The following VPS26C variants were observed in gnomAD, a reference collection of about 807,000 sequenced individuals.
VPS26C encodes VPS26 endosomal protein sorting factor C, also known as vacuolar protein sorting-associated protein 26C.
A neutral mutation model predicts 30.6 loss-of-function variants in VPS26C; 19 were observed. The observed-to-expected ratio is 0.62, with a 90% CI of 0.43 to 0.91. VPS26C has a LOEUF of 0.91. Among genes scored for constraint, VPS26C ranks in the 40% least tolerant of loss-of-function variants. The pLI is 0.00. For missense variants in VPS26C, 318 were observed against 385.1 expected (o/e 0.83, Z 1.46); for synonymous variants, 132 against 151.5 (o/e 0.87, Z 0.95).
chr21:37,264,110 T>A (rs947633763), intron 1 of VPS26C, among the ~76,000 whole-genome samples: 1 of 152,162 alleles, frequency 6.6e-6, no homozygotes, highest in Non-Finnish European at 1.5e-5. Context: ...TGGGCACACA[T>A]GTCAGAGATT....
intron 6 of VPS26C, 145 bp from the exon 7 acceptor site, chr21:37,227,951 G>A (rs1361811776): frequency 8.6e-6 from 10 of 1,163,394 alleles, no homozygotes; most frequent in East Asian, 2.5e-5. Context: ...CTACTGCTAA[G>A]GCACAGCCAC....
chr21:37,234,854 G>GT (rs1410803583), intron 3 of VPS26C, among the ~76,000 whole-genome samples: 1 of 151,726 alleles, frequency 6.6e-6, no homozygotes, highest in Non-Finnish European at 1.5e-5. Context: ...TTCTTTTTTT[G>GT]TTTTTTAATA....
At position 37,233,190 on chromosome 21, in the gene VPS26C, T is replaced by C. The variant is rs2085983904; in HGVS notation, c.432+172A>G. 2.3e-5 allele frequency: 14 copies of C among 613,342 alleles called. No individual in the cohort carries two copies. The highest frequency in any genetic ancestry group is 1.7e-4 in the South Asian group (9 of 52,934). The allele number at this position is 613,342 out of a possible 1,614,324, so 38.0% of individuals were successfully genotyped here. ...GGGGACTCTGGGCCCAGGACAATGA[T>C]GCACACGTGATGCGCATGCCACCGA... On this transcript the variant is annotated intron_variant, in intron 4 of 7. Coordinates refer to ENST00000309117, the MANE Select transcript of VPS26C (RefSeq NM_006052.2). The surrounding 1 kb of genome is among the most constrained non-coding windows in gnomAD (Gnocchi z 5.2).
chr21:37,255,851 A>T (rs1475253562), intron 1 of VPS26C, among the ~76,000 whole-genome samples: 54 of 108,448 alleles, frequency 5.0e-4, no homozygotes, highest in African/African-American at 1.3e-3. Context: ...TATGCACTGC[A>T]TTTTTTTTTT....
chr21:37,243,506 G>C (rs2086108401), intron 1 of VPS26C, among the ~76,000 whole-genome samples: 2 of 152,120 alleles, frequency 1.3e-5, no homozygotes, highest in Admixed American at 6.5e-5. Flanking sequence ...ACAGACACTG[G>C]GACCCACTCG....
chr21:37,254,724 T>C (rs1337590989), intron 1 of VPS26C, among the ~76,000 whole-genome samples: 2 of 151,658 alleles, frequency 1.3e-5, no homozygotes, highest in Non-Finnish European at 1.5e-5. Context: ...GGCAGGAGAA[T>C]TGCTTGAACC....
At chr21:37,259,890 C>A (rs2148309429) in intron 1 of VPS26C, among the ~76,000 whole-genome samples, 1 of 152,280 alleles carries the variant, frequency 6.6e-6, no homozygotes, top group East Asian at 1.9e-4. Context: ...TAAGGGTGAA[C>A]AGACTTCGGA....
rs147172636 is a variant in VPS26C, at chr21:37,232,450, G to C, written c.434C>G (p.Pro145Arg). ...ACTGGGAGTAAACTTCCCCTTCTGA[G>C]GCTAAAACGAGAGGTGAAACCGAAA... ...KTCEFIVHSA[P>R]QKGKFTPSPV... Residue 145 changes from proline (P) to arginine (R), a missense_variant and splice_region_variant, in exon 5 of 8, where the codon CCT (proline) becomes CGT (arginine). Physicochemically the swap from Pro to Arg is moderately radical, Grantham distance 103 (BLOSUM62 -2). Coordinates refer to ENST00000309117, the MANE Select transcript of VPS26C (RefSeq NM_006052.2). The C allele has an allele frequency of 3.4e-5, 55 of 1,613,930 alleles. No individual in the cohort carries two copies. The highest frequency in any genetic ancestry group is 5.0e-5 in the Admixed American group (3 of 60,006).
At chr21:37,239,291 T>C (rs1349659671) in intron 2 of VPS26C, among the ~76,000 whole-genome samples, 3 of 152,228 alleles carry the variant, frequency 2.0e-5, no homozygotes, top group African/African-American at 7.2e-5. Context: ...AATAAAGTTG[T>C]AGAAAACATA....
At chr21:37,239,706 C>T (rs1026412025) in intron 2 of VPS26C, among the ~76,000 whole-genome samples, 10 of 151,674 alleles carry the variant, frequency 6.6e-5, no homozygotes, top group Non-Finnish European at 1.0e-4. Flanking sequence ...TGGGTTCAAG[C>T]GATTCTCCTG....
upstream of VPS26C, chr21:37,267,759 T>C (rs1602296153): frequency 5.1e-6 from 1 of 196,466 alleles, no homozygotes; most frequent in African/African-American, 2.4e-5. Flanking sequence ...GGTCGCCCAA[T>C]GGAGTTGTCT....
At chr21:37,264,374 A>C (rs1403722039) in intron 1 of VPS26C, among the ~76,000 whole-genome samples, 1 of 152,178 alleles carries the variant, frequency 6.6e-6, no homozygotes, top group Non-Finnish European at 1.5e-5. Context: ...CTCTGTCTTC[A>C]ACTCTGTGAC....
chr21:37,245,256 G>A (rs1337538992), intron 1 of VPS26C, among the ~76,000 whole-genome samples: 1 of 152,176 alleles, frequency 6.6e-6, no homozygotes, highest in Non-Finnish European at 1.5e-5. Context: ...GTTCCACTTA[G>A]ATTTTTCAGC....
Position 37,240,519 on chromosome 21 carries a change from C to T in VPS26C, c.178G>A (p.Glu60Lys). Residue 60 changes from glutamate to lysine, a missense_variant, in exon 2 of 8, where the codon GAA becomes AAA. Physicochemically the swap from Glu to Lys is moderately conservative, Grantham distance 56 (BLOSUM62 1). Transcript: ENST00000309117. Reference protein sequence around the residue: ...QLSAKSVGVFEAFYNSVKPIQ... With the variant: ...QLSAKSVGVFKAFYNSVKPIQ... ...ACCTTAACAGAATTATAAAAAGCTT[C>T]AAACACACCCACACTTTTGGCACTG... The T allele has an allele frequency of 6.2e-7, 1 of 1,614,122 alleles. No individual in the cohort carries two copies.
Position 37,257,229 on chromosome 21 carries a change from A to G in VPS26C, c.57+10009T>C, listed in dbSNP as rs541395419. 3.9e-5 allele frequency among the ~76,000 whole-genome samples: 6 copies of G among 152,376 alleles called. No homozygotes were observed. Among genetic ancestry groups the G allele is most frequent in the South Asian group, 2.1e-4 (1 of 4,834 alleles). On this transcript the variant is annotated intron_variant, in intron 1 of 7. Coordinates refer to ENST00000309117, the MANE Select transcript of VPS26C (RefSeq NM_006052.2). This position sits in a 1 kb window ranked among gnomAD's most constrained non-coding sequence, Gnocchi z 4.2. The stretch of plus-strand genomic sequence containing the variant: ...AATGAGGTCTGTAAACAACTGATCT[A>G]GAAAATGTTCTGGAAAAAGTAAAAA...
intron 4 of VPS26C, chr21:37,232,752 T>G (rs2085979217): frequency 2.1e-6 from 1 of 471,706 alleles, no homozygotes; most frequent in African/African-American, 2.0e-5. Context: ...AGTACTTATT[T>G]GAAACCTCAG....
intron 1 of VPS26C, among the ~76,000 whole-genome samples, chr21:37,242,927 T>C (rs908459578): frequency 1.3e-5 from 2 of 152,256 alleles, no homozygotes; most frequent in Non-Finnish European, 2.9e-5. Flanking sequence ...GTACAGAAAA[T>C]ACAAAATTAA....
At chr21:37,245,461 C>T (rs901016494) in intron 1 of VPS26C, among the ~76,000 whole-genome samples, 1 of 152,328 alleles carries the variant, frequency 6.6e-6, no homozygotes, top group Middle Eastern at 3.4e-3. Context: ...CCTGCTTGTT[C>T]TTCTCAGATA....
rs2085882345 is a variant in VPS26C at position 37,224,786 on chromosome 21, C to T, written c.*758G>A. 1 of 152,362 alleles carries T rather than the reference C, an allele frequency of 6.6e-6. No homozygotes were observed. Among genetic ancestry groups the T allele is most frequent in the South Asian group, 2.1e-4 (1 of 4,834 alleles). The allele number at this position is 152,362 out of a possible 1,614,324, so 9.4% of individuals were successfully genotyped here. A position where few individuals can be genotyped will look rare whatever the true frequency, so the allele number is the denominator to read the frequency against. On this transcript the variant is annotated 3_prime_UTR_variant, in exon 8 of 8. Transcript: ENST00000309117. ...GGGTCACGAGGTCAGGAGTTCAAGA[C>T]CAGCCTGGCCAAGATGGTGAAGCCC...
Sources: allele counts gnomAD v4.1 joint callset (sites outside exome capture counted in the v4.1 genomes callset), GRCh38; gene constraint gnomAD v4.1.1; non-coding constraint Gnocchi (gnomAD v3.1); transcripts MANE v1.5; gene names NCBI Gene and HGNC (gene_info 2026-07-23, HGNC 2026-07-21).